The following DAD1 variants were observed in gnomAD, a reference collection of about 807,000 sequenced individuals.
The protein encoded by DAD1 is defender against cell death 1.
DAD1 carries 4 observed loss-of-function variants against 9.0 expected under a neutral mutation model. The observed-to-expected ratio is 0.44, with a 90% confidence interval of 0.22 to 1.01. The LOEUF (loss-of-function observed/expected upper bound fraction) is 1.01. Among genes scored for constraint, DAD1 ranks in the 50% least tolerant of loss-of-function variants. The pLI is 0.24. For missense variants in DAD1, 119 were observed against 137.3 expected (o/e 0.87, Z 0.67); for synonymous variants, 60 against 62.5 (o/e 0.96, Z 0.19).
intron 1 of DAD1, among the ~76,000 whole-genome samples, chr14:22,579,845 T>A (rs1362080586): frequency 6.7e-6 from 1 of 149,318 alleles, no homozygotes; most frequent in African/African-American, 2.5e-5. Context: ...CAATCCTTTT[T>A]TTTTTTTTTT....
chr14:22,580,541 G>C (rs193116568), intron 1 of DAD1, among the ~76,000 whole-genome samples: 2 of 152,082 alleles, frequency 1.3e-5, no homozygotes, highest in Non-Finnish European at 2.9e-5. Context: ...GTGGTCATTG[G>C]AGTAAAGAAC....
At position 22,565,109 on chromosome 14, in the gene DAD1, C is replaced by T. The variant is rs935420738; in HGVS notation, c.*73G>A. ...GTCCAATAAGCTGCCATCTCCAGAA[C>T]TCTTATCCAGGAAATTCAAAGAGTG... On this transcript the variant is annotated 3_prime_UTR_variant, in exon 3 of 3. Transcript: ENST00000250498. 22 of 702,120 alleles carry T rather than the reference C, an allele frequency of 3.1e-5. No homozygotes were observed. Among genetic ancestry groups the T allele is most frequent in the Non-Finnish European group, 5.5e-5 (21 of 384,786 alleles). The allele number at this position is 702,120 out of a possible 1,614,324, so 43.5% of individuals were successfully genotyped here.
chr14:22,586,267 C>G (rs1042546734), intron 1 of DAD1, among the ~76,000 whole-genome samples: 1 of 151,906 alleles, frequency 6.6e-6, no homozygotes. Context: ...AATTCCTGGC[C>G]GGGCACAGTG....
In DAD1 at chr14:22,565,014, G is replaced by C; in HGVS notation, c.*168C>G. 1.5e-6 allele frequency: 1 copy of C among 666,878 alleles called. No individual in the cohort carries two copies. The highest frequency in any genetic ancestry group is 2.7e-6 in the Non-Finnish European group (1 of 367,670). The allele number at this position is 666,878 out of a possible 1,614,324, so 41.3% of individuals were successfully genotyped here. A position where few individuals can be genotyped will look rare whatever the true frequency, so the allele number is the denominator to read the frequency against. ...TTAGAAAGTTGTTCTGACACACAGTGAACTCTGGGCTTTTCTCCTGCATAA... is the reference window on the plus strand; with the variant it reads ...TTAGAAAGTTGTTCTGACACACAGTCAACTCTGGGCTTTTCTCCTGCATAA... On this transcript the variant is annotated 3_prime_UTR_variant, in exon 3 of 3. Transcript: ENST00000250498.
Position 22,589,189 on chromosome 14 carries a change from C to T in DAD1, c.-32G>A. 1 of 1,611,876 alleles carries T rather than the reference C, an allele frequency of 6.2e-7. No homozygotes were observed. Among genetic ancestry groups the T allele is most frequent in the African/African-American group, 1.3e-5 (1 of 75,012 alleles). ...ACGCAAGGTACTCCGGTCCGCGCCCCAAACTCTTGGAGGACCCGTCGACCA... is the reference window on the plus strand; with the variant it reads ...ACGCAAGGTACTCCGGTCCGCGCCCTAAACTCTTGGAGGACCCGTCGACCA... On this transcript the variant is annotated 5_prime_UTR_variant, in exon 1 of 3. Transcript: ENST00000250498.
chr14:22,577,071 T>A (rs1474147117), intron 1 of DAD1, among the ~76,000 whole-genome samples: 1 of 152,082 alleles, frequency 6.6e-6, no homozygotes, highest in Non-Finnish European at 1.5e-5. Flanking sequence ...CTCAAAAAAA[T>A]TAAAAACAGA....
intron 1 of DAD1, among the ~76,000 whole-genome samples, chr14:22,586,753 C>T (rs1051763739): frequency 6.6e-6 from 1 of 152,142 alleles, no homozygotes. Context: ...AAAGGATAAG[C>T]GTCCAAATTT....
chr14:22,579,840 C>CTTTTTTTT (rs34081969), intron 1 of DAD1, among the ~76,000 whole-genome samples: 1 of 129,242 alleles, frequency 7.7e-6, no homozygotes, highest in Non-Finnish European at 1.6e-5. Context: ...AAAGCCAATC[C>CTTTTTTTT]TTTTTTTTTT....
chr14:22,582,943 T>C (rs900122089), intron 1 of DAD1, among the ~76,000 whole-genome samples: 1 of 148,972 alleles, frequency 6.7e-6, no homozygotes, highest in Admixed American at 6.7e-5. Context: ...GAGATGGAGG[T>C]TGCAGTGAGC....
intron 1 of DAD1, among the ~76,000 whole-genome samples, chr14:22,587,832 G>A (rs1381170168): frequency 6.7e-6 from 1 of 149,860 alleles, no homozygotes; most frequent in Non-Finnish European, 1.5e-5. Flanking sequence ...TCCACCTCCC[G>A]GGTTCAAGCG....
chr14:22,572,670 G>A (rs1482493595), intron 2 of DAD1, among the ~76,000 whole-genome samples: 1 of 152,136 alleles, frequency 6.6e-6, no homozygotes, highest in Non-Finnish European at 1.5e-5. Flanking sequence ...TAAGCTCTCT[G>A]CAGTAGAGTC....
chr14:22,573,188 T>C (rs2037053121), intron 2 of DAD1, among the ~76,000 whole-genome samples: 2 of 152,126 alleles, frequency 1.3e-5, no homozygotes, highest in Admixed American at 1.3e-4. Context: ...TGGGTTTTTT[T>C]TTTTAATTGA....
At chr14:22,581,743 CAAAAAA>C (rs59052046) in intron 1 of DAD1, among the ~76,000 whole-genome samples, 185 of 36,732 alleles carry the variant, frequency 5.0e-3, no homozygotes, top group African/African-American at 0.015. Flanking sequence ...AACTCCATCT[CAAAAAA>C]AAAAAAAAAA....
rs2037172900 is a variant in DAD1 at position 22,588,960 on chromosome 14, A to T, written c.198T>A (p.Ser66Arg). 2 of 1,614,074 alleles carry T rather than the reference A, an allele frequency of 1.2e-6. No homozygotes were observed. Among genetic ancestry groups the T allele is most frequent in the Non-Finnish European group, 1.7e-6 (2 of 1,180,010 alleles). ...TAGAACCATTACCCGCTAGGATGAA[A>T]CTCCCCACACAAGAGATGAAGCCCG... ...FLSGFISCVG[S>R]FILAVCLRIQ... The change falls in exon 1 of 3, where the codon AGT (serine) becomes AGA (arginine). Residue 66 changes from serine (S) to arginine (R), a missense_variant. Transcript: ENST00000250498.
At chr14:22,572,765 C>T (rs1202298660) in intron 2 of DAD1, among the ~76,000 whole-genome samples, 1 of 152,138 alleles carries the variant, frequency 6.6e-6, no homozygotes, top group Non-Finnish European at 1.5e-5. Context: ...GAAATGTTTG[C>T]TGTGTCCCCT....
At chr14:22,587,145 T>G (rs1594885603) in intron 1 of DAD1, among the ~76,000 whole-genome samples, 1 of 152,324 alleles carries the variant, frequency 6.6e-6, no homozygotes, top group Non-Finnish European at 1.5e-5. Flanking sequence ...AAAAAAACCT[T>G]CTGGCTTTAT....
At chr14:22,586,667 C>T (rs2037155225) in intron 1 of DAD1, among the ~76,000 whole-genome samples, 1 of 152,156 alleles carries the variant, frequency 6.6e-6, no homozygotes, top group Non-Finnish European at 1.5e-5. Flanking sequence ...TCTCTTGCAA[C>T]AGGAAATTCC....
intron 2 of DAD1, among the ~76,000 whole-genome samples, chr14:22,569,039 G>A (rs1331336998): frequency 6.6e-6 from 1 of 152,070 alleles, no homozygotes; most frequent in Non-Finnish European, 1.5e-5. Flanking sequence ...CCACCCCACA[G>A]CCTCTCCTAT....
At chr14:22,570,408 C>A (rs934123185) in intron 2 of DAD1, among the ~76,000 whole-genome samples, 2 of 152,042 alleles carry the variant, frequency 1.3e-5, no homozygotes, top group African/African-American at 4.8e-5. Flanking sequence ...TGTAAAGCAA[C>A]CCCCAACCCA....
Sources: gnomAD v4.1 joint callset for allele counts (sites outside exome capture counted in the v4.1 genomes callset) on GRCh38, gnomAD v4.1.1 for gene constraint, MANE v1.5 for transcripts, NCBI Gene and HGNC (gene_info 2026-07-23, HGNC 2026-07-21) for gene names.